The following BRD7 variants were observed in gnomAD, a reference collection of about 807,000 sequenced individuals.
BRD7 encodes the protein bromodomain-containing protein 7.
A neutral mutation model predicts 82.1 loss-of-function variants in BRD7; 15 were observed. The ratio of observed to expected loss-of-function variants is 0.18; its 90% confidence interval spans 0.12 to 0.28. The LOEUF (loss-of-function observed/expected upper bound fraction) is 0.28. Among genes scored for constraint, BRD7 ranks in the 10% least tolerant of loss-of-function variants. BRD7 has a pLI of 1.00. For synonymous variants in BRD7, 232 were observed against 266.9 expected (o/e 0.87, Z 1.27); for missense variants, 638 against 779.9 (o/e 0.82, Z 2.17).
chr16:50,341,599 T>C (rs564834397), intron 5 of BRD7, among the ~76,000 whole-genome samples: 6 of 141,836 alleles, frequency 4.2e-5, no homozygotes, highest in African/African-American at 1.6e-4. Context: ...GCCAAGATCA[T>C]GCCACTGCAC....
chr16:50,342,521 C>T (rs144997261), intron 5 of BRD7, among the ~76,000 whole-genome samples: 2,277 of 134,604 alleles, frequency 0.017, 56 homozygotes, highest in African/African-American at 0.059. Context: ...CCTGGGTTCA[C>T]GCCATTCTCC....
chr16:50,354,727 C>T, intron 3 of BRD7, 66 bp downstream of exon 3: 2 of 1,547,560 alleles, frequency 1.3e-6, no homozygotes, highest in Non-Finnish European at 1.7e-6. Flanking sequence ...AAAACCCCAC[C>T]ATTTTCCTGA....
chr16:50,325,678 T>C, intron 11 of BRD7, 70 bp downstream of exon 11: 1 of 1,405,684 alleles, frequency 7.1e-7, no homozygotes, highest in Non-Finnish European at 9.5e-7. Context: ...TTTGTCAGTC[T>C]ATCCACAAAT....
intron 7 of BRD7, 62 bp from the exon 8 acceptor site, chr16:50,333,759 A>C (rs750573390): frequency 2.2e-5 from 29 of 1,332,868 alleles, no homozygotes; most frequent in Non-Finnish European, 2.8e-5. Flanking sequence ...GAAAACATTC[A>C]AATGAATTCT....
rs115002186 is a variant in BRD7, at chr16:50,335,289, C to T, written c.703-394G>A. Among the ~76,000 whole-genome samples the T allele has an allele frequency of 8.9e-3, 1,359 of 152,288 alleles. 20 individuals carry two copies. The highest frequency in any genetic ancestry group is 0.031 in the African/African-American group (1,289 of 41,554). On this transcript the variant is annotated intron_variant, in intron 6 of 16. Transcript: ENST00000394688. ...TAAGAACTGTTAGGTGTATCAAAGCCTAGGGCATGTGAGCGTGTGAAGTCC... is the reference window on the plus strand; with the variant it reads ...TAAGAACTGTTAGGTGTATCAAAGCTTAGGGCATGTGAGCGTGTGAAGTCC...
Position 50,326,401 on chromosome 16 carries a change from A to G in BRD7, c.1088-10T>C. ...GGGCAGTAGCCTGGCTCTACAACAT[A>G]AAACAGAGCACAGTGAAGGAGGCCT... is the stretch of plus-strand genomic sequence containing the variant. On this transcript the variant is annotated splice_polypyrimidine_tract_variant and intron_variant, in intron 9 of 16. Coordinates refer to ENST00000394688, the MANE Select transcript of BRD7 (RefSeq NM_013263.5). 1 of 1,549,870 alleles carries G rather than the reference A, an allele frequency of 6.5e-7. No homozygotes were observed. The highest frequency in any genetic ancestry group is 8.8e-7 in the Non-Finnish European group (1 of 1,141,852).
intron 2 of BRD7, among the ~76,000 whole-genome samples, chr16:50,361,155 T>C (rs774892183): frequency 6.6e-6 from 1 of 152,174 alleles, no homozygotes; most frequent in Non-Finnish European, 1.5e-5. Context: ...ACACAAAGAA[T>C]TTAGAATAGT....
intron 5 of BRD7, among the ~76,000 whole-genome samples, chr16:50,349,784 T>A (rs967502304): frequency 2.0e-5 from 3 of 152,310 alleles, no homozygotes; most frequent in African/African-American, 7.2e-5. Context: ...GGAACACATA[T>A]CAAACTCAAA....
chr16:50,362,616 T>C (rs1033099632), intron 2 of BRD7, among the ~76,000 whole-genome samples: 1 of 152,174 alleles, frequency 6.6e-6, no homozygotes, highest in Non-Finnish European at 1.5e-5. Flanking sequence ...CAATTAGCCT[T>C]AGAAGGGAAG....
intron 6 of BRD7, among the ~76,000 whole-genome samples, chr16:50,338,710 T>G (rs533595149): frequency 6.6e-6 from 1 of 152,188 alleles, no homozygotes. Context: ...AGAACAGTAA[T>G]GCTAGAAATC....
chr16:50,316,422 T>C lies in BRD7; in HGVS notation c.*2789A>G, dbSNP rs1386824621. On this transcript the variant is annotated 3_prime_UTR_variant, in exon 17 of 17. Transcript: ENST00000394688. ...CTTGATTACTCACACATCTTTGCGTTCTCCCCTGCCGTCCTTCAACTGTAT... is the reference window on the plus strand; with the variant it reads ...CTTGATTACTCACACATCTTTGCGTCCTCCCCTGCCGTCCTTCAACTGTAT... 3 of 152,378 alleles carry C rather than the reference T, an allele frequency of 2.0e-5. No individual in the cohort carries two copies. Among genetic ancestry groups the C allele is most frequent in the Admixed American group, 1.3e-4 (2 of 15,280 alleles). 9.4% of individuals were successfully genotyped at this position (152,378 alleles called of 1,614,324 possible).
intron 4 of BRD7, among the ~76,000 whole-genome samples, chr16:50,350,731 C>CA (rs1424878168): frequency 6.6e-6 from 1 of 152,002 alleles, no homozygotes; most frequent in Non-Finnish European, 1.5e-5. Context: ...AGGACTGGAC[C>CA]AAAAAAACCC....
At chr16:50,332,752 AG>A (rs1204621143) in intron 8 of BRD7, among the ~76,000 whole-genome samples, 38 of 152,338 alleles carry the variant, frequency 2.5e-4, no homozygotes, top group African/African-American at 9.1e-4. Flanking sequence ...ACAAAGGACT[AG>A]GTAAAGAAAA....
At position 50,368,721 on chromosome 16, in the gene BRD7, C is replaced by A; in HGVS notation, c.49+5G>T. 6.4e-7 allele frequency: 1 copy of A among 1,557,096 alleles called. No homozygotes were observed. Among genetic ancestry groups the A allele is most frequent in the Non-Finnish European group, 8.7e-7 (1 of 1,153,514 alleles). On this transcript the variant is annotated splice_donor_5th_base_variant and intron_variant, in intron 1 of 16. Coordinates refer to ENST00000394688, the MANE Select transcript of BRD7 (RefSeq NM_013263.5). Reference sequence around the variant, plus strand: ...CCGCCGCCCGCACCCCGGCCCCCTCCTCACCCTCGTAGAGGTGTTTGTCCG... The same window carrying A: ...CCGCCGCCCGCACCCCGGCCCCCTCATCACCCTCGTAGAGGTGTTTGTCCG...
intron 1 of BRD7, 86 bp downstream of exon 1, chr16:50,368,640 C>A: frequency 7.0e-7 from 1 of 1,430,462 alleles, no homozygotes. Context: ...GGAAGGGCCC[C>A]GGGCCGCCCC....
chr16:50,328,146 A>G (rs1483491153), intron 9 of BRD7, among the ~76,000 whole-genome samples: 1 of 152,242 alleles, frequency 6.6e-6, no homozygotes, highest in African/African-American at 2.4e-5. Flanking sequence ...TTAAAACATC[A>G]TTTGAGAAAA....
intron 5 of BRD7, chr16:50,349,444 T>C: frequency 2.5e-6 from 1 of 396,426 alleles, no homozygotes; most frequent in Non-Finnish European, 5.0e-6. Flanking sequence ...AAAGAAAGTG[T>C]GTAGCACTTC....
intron 2 of BRD7, among the ~76,000 whole-genome samples, chr16:50,362,790 G>A (rs903435768): frequency 1.3e-5 from 2 of 152,112 alleles, no homozygotes; most frequent in African/African-American, 4.8e-5. Flanking sequence ...AGGAGAGGGA[G>A]AAAGGAAAAT....
In BRD7 at chr16:50,357,905, C is replaced by T. The variant is rs62029973; in HGVS notation, c.259-2983G>A. On this transcript the variant is annotated intron_variant, in intron 2 of 16. Transcript: ENST00000394688. ...CTGAGGCAGGAGAATCGCTTGAACC[C>T]GTAGGTAGAGGTTGCAGTGAGCCAA... is the stretch of plus-strand genomic sequence containing the variant. Among the ~76,000 whole-genome samples the T allele has an allele frequency of 8.3e-3, 1,263 of 152,168 alleles. 10 individuals carry two copies. The highest frequency in any genetic ancestry group is 0.011 in the Non-Finnish European group (780 of 67,998).
Sources: gnomAD v4.1 joint callset for allele counts (sites outside exome capture counted in the v4.1 genomes callset) on GRCh38, gnomAD v4.1.1 for gene constraint, MANE v1.5 for transcripts, NCBI Gene and HGNC (gene_info 2026-07-23, HGNC 2026-07-21) for gene names.